The following DDC variants were observed in gnomAD, a reference collection of about 807,000 sequenced individuals.
The protein encoded by DDC is aromatic-L-amino-acid decarboxylase.
A neutral mutation model predicts 60.0 loss-of-function variants in DDC; 43 were observed. That is an observed-to-expected ratio of 0.72 (90% CI 0.56 to 0.92). The LOEUF (loss-of-function observed/expected upper bound fraction) is 0.92, where lower values mean the gene tolerates loss of function less well. Ranked by LOEUF, DDC falls within the 40% of genes least tolerant of loss-of-function variation. The pLI is 0.00. For synonymous variants in DDC, 232 were observed against 234.6 expected (o/e 0.99, Z 0.10); for missense variants, 573 against 620.2 (o/e 0.92, Z 0.81).
chr7:50,469,138 G>A (rs1026653689), intron 12 of DDC, among the ~76,000 whole-genome samples: 3 of 150,488 alleles, frequency 2.0e-5, no homozygotes, highest in Non-Finnish European at 4.4e-5. Flanking sequence ...TAGAGACAAG[G>A]TTTCACTATG....
At chr7:50,563,859 C>A (rs1283221285) in intron 1 of DDC, 1 of 152,210 alleles carries the variant, frequency 6.6e-6, no homozygotes, top group Admixed American at 6.5e-5. Flanking sequence ...GCCTTAGCCT[C>A]CCCAAATGCT....
chr7:50,506,537 C>T (rs550582450), intron 6 of DDC, among the ~76,000 whole-genome samples: 3 of 152,236 alleles, frequency 2.0e-5, no homozygotes, highest in Non-Finnish European at 2.9e-5. Flanking sequence ...GCAAGTGAGT[C>T]CTTTAAGAGC....
At chr7:50,477,358 G>A (rs1410346317) in intron 10 of DDC, among the ~76,000 whole-genome samples, 3 of 152,232 alleles carry the variant, frequency 2.0e-5, no homozygotes, top group Non-Finnish European at 2.9e-5. Flanking sequence ...ACAACATGCT[G>A]CAGTCCTGCT....
rs1455177736 is a variant in DDC at position 50,462,249 on chromosome 7, GAAAAT to G, written c.*18+959_*18+963del. ...GACAAAAAAAAAAAAAAAAAAAAAA[GAAAAT>G]AAACAGAAAAAGGTAGACATACCCC... On this transcript the variant is annotated intron_variant, in intron 14 of 14. Transcript: ENST00000444124. 4.3e-3 allele frequency among the ~76,000 whole-genome samples: 394 copies of G among 92,356 alleles called. 3 individuals carry two copies. Among genetic ancestry groups the G allele is most frequent in the Admixed American group, 7.0e-3 (64 of 9,198 alleles). 60.6% of individuals were successfully genotyped at this position (92,356 alleles called of 152,430 possible). A position where few individuals can be genotyped will look rare whatever the true frequency, so the allele number is the denominator to read the frequency against.
intron 9 of DDC, among the ~76,000 whole-genome samples, chr7:50,487,536 G>A (rs1475644277): frequency 2.0e-5 from 3 of 152,044 alleles, no homozygotes; most frequent in African/African-American, 7.2e-5. Context: ...TGATGAGTCT[G>A]TATTGATATA....
At chr7:50,504,930 T>A (rs929916372) in intron 6 of DDC, among the ~76,000 whole-genome samples, 27 of 152,366 alleles carry the variant, frequency 1.8e-4, no homozygotes, top group African/African-American at 6.5e-4. Flanking sequence ...TCTTTCTGAA[T>A]GATACTGTTC....
chr7:50,527,737 C>T (rs1320581871), intron 6 of DDC: 3 of 247,198 alleles, frequency 1.2e-5, no homozygotes, highest in Non-Finnish European at 2.4e-5. Flanking sequence ...GCAGGTACAC[C>T]TTGATCCACT....
chr7:50,498,280 T>G (rs935010283), intron 8 of DDC, among the ~76,000 whole-genome samples: 3 of 152,246 alleles, frequency 2.0e-5, no homozygotes, highest in African/African-American at 7.2e-5. Context: ...ACTGTGCCCT[T>G]CATCTGCCAT....
At position 50,485,043 on chromosome 7, in the gene DDC, GTTTCAGAGAAATAGAATTTT is replaced by G. The variant is rs890990746; in HGVS notation, c.945-5200_945-5181del. Among the ~76,000 whole-genome samples the G allele has an allele frequency of 4.9e-4, 74 of 152,306 alleles. 1 individual carries two copies. The highest frequency in any genetic ancestry group is 1.4e-3 in the South Asian group (7 of 4,828). Reference sequence around the variant, plus strand: ...AACGATTACTAGAATGATTAAAACTGTTTCAGAGAAATAGAATTTTTAAAAACCTCCCAATGCAACAGAAG... The same window carrying G: ...AACGATTACTAGAATGATTAAAACTGTAAAAACCTCCCAATGCAACAGAAG... On this transcript the variant is annotated intron_variant, in intron 9 of 14. Coordinates refer to ENST00000444124, the MANE Select transcript of DDC (RefSeq NM_001082971.2).
intron 2 of DDC, chr7:50,541,473 G>A (rs1268745891): frequency 6.6e-6 from 1 of 152,272 alleles, no homozygotes; most frequent in African/African-American, 2.4e-5. Context: ...TTAAGGGACA[G>A]CGTCTTTGGG....
At chr7:50,552,645 T>G (rs1426838367) in intron 1 of DDC, among the ~76,000 whole-genome samples, 3 of 152,198 alleles carry the variant, frequency 2.0e-5, no homozygotes, top group Non-Finnish European at 4.4e-5. Context: ...GGTGGGCTTC[T>G]CCAAGCAGGG....
At chr7:50,500,769 A>T (rs2153539989) in intron 7 of DDC, among the ~76,000 whole-genome samples, 1 of 152,298 alleles carries the variant, frequency 6.6e-6, no homozygotes, top group Non-Finnish European at 1.5e-5. Flanking sequence ...TTTCATCCTG[A>T]TGATTAAACT....
chr7:50,513,238 G>C (rs185919482), intron 6 of DDC, among the ~76,000 whole-genome samples: 1 of 152,148 alleles, frequency 6.6e-6, no homozygotes, highest in Non-Finnish European at 1.5e-5. Flanking sequence ...GGTCTGTTGC[G>C]GGAGAAGTTT....
intron 8 of DDC, among the ~76,000 whole-genome samples, chr7:50,496,972 A>C (rs1367965293): frequency 6.6e-6 from 1 of 152,206 alleles, no homozygotes; most frequent in Non-Finnish European, 1.5e-5. Context: ...AAAGGACAGG[A>C]AATTACAGCA....
rs1381904787 is a variant in DDC at position 50,469,845 on chromosome 7, G to T, written c.1140+228C>A. ...AATACAAAAATTAGCTGGGCATGATGGCGCATGCCTGTAATCCTAGCTACT... is the reference window on the plus strand; with the variant it reads ...AATACAAAAATTAGCTGGGCATGATTGCGCATGCCTGTAATCCTAGCTACT... On this transcript the variant is annotated intron_variant, in intron 12 of 14. Coordinates refer to ENST00000444124, the MANE Select transcript of DDC (RefSeq NM_001082971.2). Among the ~76,000 whole-genome samples the T allele has an allele frequency of 3.3e-5, 5 of 152,090 alleles. No homozygotes were observed. In the East Asian group the frequency reaches 9.6e-4, roughly 29 times the overall value.
In DDC at chr7:50,543,868, C is replaced by CT; in HGVS notation, c.201+16dup. On this transcript the variant is annotated intron_variant, in intron 2 of 14. Transcript: ENST00000444124. Reference sequence around the variant, plus strand: ...AGTTCTAGCCCTCCTGTTTTCTGACCTTGGATACACACTTACCCCAGGCAT... The same window carrying CT: ...AGTTCTAGCCCTCCTGTTTTCTGACCTTTGGATACACACTTACCCCAGGCAT... 6.2e-7 allele frequency: 1 copy of CT among 1,613,074 alleles called. No homozygotes were observed. The highest frequency in any genetic ancestry group is 8.5e-7 in the Non-Finnish European group (1 of 1,179,228).
At chr7:50,476,502 G>T in intron 11 of DDC, 122 bp downstream of exon 11, 1 of 940,226 alleles carries the variant, frequency 1.1e-6, no homozygotes, top group Non-Finnish European at 1.7e-6. Context: ...TTAGGACCCA[G>T]TTAGAAGGTG....
chr7:50,502,705 G>A (rs1240227830), intron 7 of DDC, among the ~76,000 whole-genome samples: 1 of 152,224 alleles, frequency 6.6e-6, no homozygotes, highest in Non-Finnish European at 1.5e-5. Flanking sequence ...GTAAGTCTAT[G>A]CCACCCACCT....
intron 14 of DDC, among the ~76,000 whole-genome samples, chr7:50,460,094 C>A (rs1420104935): frequency 6.9e-6 from 1 of 144,218 alleles, no homozygotes; most frequent in Non-Finnish European, 1.5e-5. Flanking sequence ...GCCGCCCCAT[C>A]CGGGAGGTGA....
Sources: gnomAD v4.1 joint callset for allele counts (sites outside exome capture counted in the v4.1 genomes callset) on GRCh38, gnomAD v4.1.1 for gene constraint, MANE v1.5 for transcripts, NCBI Gene and HGNC (gene_info 2026-07-23, HGNC 2026-07-21) for gene names.